Variants in GPC5 observed in about 807,000 individuals in gnomAD.
GPC5 encodes glypican-5.
Under a neutral mutation model 53.9 loss-of-function variants are expected in GPC5, and 47 were observed. The ratio of observed to expected loss-of-function variants is 0.87; its 90% CI spans 0.69 to 1.11. GPC5 has a LOEUF of 1.11. GPC5 is among the 50% of genes most tolerant of loss of function. GPC5 has a pLI of 0.00. For missense variants in GPC5, 748 were observed against 713.1 expected, an observed-to-expected ratio of 1.05 and a Z score of -0.56; for synonymous variants, 286 against 263.3, an observed-to-expected ratio of 1.09 and a Z score of -0.84.
intron 7 of GPC5, among the ~76,000 whole-genome samples, chr13:92,511,802 G>A (rs923054801): frequency 1.3e-5 from 2 of 152,134 alleles, no homozygotes; most frequent in Non-Finnish European, 2.9e-5. Context: ...TCATCAATCT[G>A]TATGACTCCT....
intron 7 of GPC5, among the ~76,000 whole-genome samples, chr13:92,520,717 G>A (rs1881007621): frequency 6.6e-6 from 1 of 152,092 alleles, no homozygotes; most frequent in Admixed American, 6.6e-5. Context: ...TGGAAAACTG[G>A]CACAAGACAG....
chr13:92,839,885 C>T (rs1282820199), intron 7 of GPC5, among the ~76,000 whole-genome samples: 2 of 151,684 alleles, frequency 1.3e-5, no homozygotes, highest in African/African-American at 4.8e-5. Context: ...TATTTATTTC[C>T]TCTTCACGTT....
intron 5 of GPC5, among the ~76,000 whole-genome samples, chr13:91,876,725 G>A (rs926478899): frequency 6.6e-6 from 1 of 152,214 alleles, no homozygotes; most frequent in Non-Finnish European, 1.5e-5. Context: ...ATTTTCGGGG[G>A]AGAAATTCAA....
intron 5 of GPC5, among the ~76,000 whole-genome samples, chr13:91,839,926 G>T (rs1164607976): frequency 6.6e-6 from 1 of 151,968 alleles, no homozygotes; most frequent in Non-Finnish European, 1.5e-5. Context: ...ATCTATCATG[G>T]TCTGGAACTT....
chr13:91,488,587 C>T (rs1339868219), intron 2 of GPC5, among the ~76,000 whole-genome samples: 1 of 152,232 alleles, frequency 6.6e-6, no homozygotes, highest in African/African-American at 2.4e-5. Flanking sequence ...TTCATGGACA[C>T]TTACCACTTC....
At chr13:92,162,446 TTG>T (rs1334023787) in intron 7 of GPC5, among the ~76,000 whole-genome samples, 4 of 152,188 alleles carry the variant, frequency 2.6e-5, no homozygotes, top group Non-Finnish European at 5.9e-5. Context: ...AAAGCAGATC[TTG>T]TGGGAACACA....
chr13:92,247,444 T>C (rs181510973), intron 7 of GPC5, among the ~76,000 whole-genome samples: 1 of 152,148 alleles, frequency 6.6e-6, no homozygotes, highest in African/African-American at 2.4e-5. Flanking sequence ...GACACTAGTA[T>C]ATAATTCTTT....
chr13:92,258,669 G>T (rs910723455), intron 7 of GPC5, among the ~76,000 whole-genome samples: 18 of 152,100 alleles, frequency 1.2e-4, no homozygotes, highest in Non-Finnish European at 2.1e-4. Context: ...ATGGTAATTG[G>T]TAAAGCCTCA....
chr13:91,411,459 C>T (rs1296325634), intron 1 of GPC5, among the ~76,000 whole-genome samples: 4 of 152,196 alleles, frequency 2.6e-5, no homozygotes, highest in Non-Finnish European at 1.5e-5. Context: ...ACCCTTTGTT[C>T]CTGGGCCCTA....
At chr13:92,381,112 A>G (rs2139306419) in intron 7 of GPC5, among the ~76,000 whole-genome samples, 1 of 152,302 alleles carries the variant, frequency 6.6e-6, no homozygotes, top group South Asian at 2.1e-4. Flanking sequence ...CAGGGTTACT[A>G]GAGTAAATCA....
At chr13:91,704,898 G>A (rs1341938439) in intron 3 of GPC5, among the ~76,000 whole-genome samples, 1 of 152,204 alleles carries the variant, frequency 6.6e-6, no homozygotes, top group African/African-American at 2.4e-5. Context: ...AGGAATGCAA[G>A]TCTACAACAT....
chr13:92,170,932 T>C (rs1168668337), intron 7 of GPC5, among the ~76,000 whole-genome samples: 2 of 152,172 alleles, frequency 1.3e-5, no homozygotes, highest in Non-Finnish European at 2.9e-5. Context: ...GTTGTCAAAG[T>C]ATAAAATTTA....
rs143642086 is a variant in GPC5, at chr13:91,430,263, T to C, written c.164-18498T>C. Among the ~76,000 whole-genome samples, 181 of 152,266 alleles carry C rather than the reference T, an allele frequency of 1.2e-3. 1 individual carries two copies. Among genetic ancestry groups the C allele is most frequent in the Non-Finnish European group, 1.4e-3 (93 of 68,018 alleles). On this transcript the variant is annotated intron_variant, in intron 1 of 7. Coordinates refer to ENST00000377067, the MANE Select transcript of GPC5 (RefSeq NM_004466.6). The stretch of plus-strand genomic sequence containing the variant: ...GAGATGCCATGAGATTTATAACTGT[T>C]TGACCTGACTATAGTCAGATGGGCA...
rs868309055 is a variant in GPC5 at position 92,203,513 on chromosome 13, G to A, written c.1561+58524G>A. Among the ~76,000 whole-genome samples the A allele has an allele frequency of 6.3e-3, 823 of 131,372 alleles. 14 individuals are homozygous for A. Among genetic ancestry groups the A allele is most frequent in the African/African-American group, 0.022 (767 of 34,548 alleles). 86.2% of individuals were successfully genotyped at this position (131,372 alleles called of 152,430 possible). A position where few individuals can be genotyped will look rare whatever the true frequency, so the allele number is the denominator to read the frequency against. On this transcript the variant is annotated intron_variant, in intron 7 of 7. Transcript: ENST00000377067. ...GGGGTCGGGGGAGGGGGGAGGGATA[G>A]CATTGGGAGATATACCTAATGCTAG...
At chr13:92,100,054 T>C (rs1265587975) in intron 6 of GPC5, among the ~76,000 whole-genome samples, 1 of 152,120 alleles carries the variant, frequency 6.6e-6, no homozygotes, top group African/African-American at 2.4e-5. Flanking sequence ...CTCTATGACC[T>C]GAGCGTAAAC....
chr13:92,092,253 T>C (rs1401151154), intron 6 of GPC5, among the ~76,000 whole-genome samples: 1 of 152,204 alleles, frequency 6.6e-6, no homozygotes, highest in African/African-American at 2.4e-5. Flanking sequence ...CACTTATGCT[T>C]ACATATATTT....
chr13:92,589,402 A>ATATTCTCTAAT (rs1883645862), intron 7 of GPC5, among the ~76,000 whole-genome samples: 2 of 152,306 alleles, frequency 1.3e-5, no homozygotes, highest in Non-Finnish European at 1.5e-5. Context: ...GCTAGAGACA[A>ATATTCTCTAAT]TATTCTCTAA....
chr13:92,851,804 G>C (rs1009293229), intron 7 of GPC5, among the ~76,000 whole-genome samples: 3 of 150,698 alleles, frequency 2.0e-5, no homozygotes, highest in African/African-American at 7.3e-5. Context: ...CAGGAGAATG[G>C]CGTGAACCGG....
At position 91,788,665 on chromosome 13, in the gene GPC5, T is replaced by C. The variant is rs189211526; in HGVS notation, c.1280+32245T>C. Among the ~76,000 whole-genome samples the C allele has an allele frequency of 3.8e-3, 586 of 152,218 alleles. 5 individuals are homozygous for C. The highest frequency in any genetic ancestry group is 3.4e-3 in the Middle Eastern group (1 of 294). On this transcript the variant is annotated intron_variant, in intron 5 of 7. Coordinates refer to ENST00000377067, the MANE Select transcript of GPC5 (RefSeq NM_004466.6). ...ATATCATTTTTGAGGTCTTTCTAGGTTTTTAAAATTTGTCATAACTGGGAG... is the reference window on the plus strand; with the variant it reads ...ATATCATTTTTGAGGTCTTTCTAGGCTTTTAAAATTTGTCATAACTGGGAG...
Sources: allele counts gnomAD v4.1 joint callset (sites outside exome capture counted in the v4.1 genomes callset), GRCh38; gene constraint gnomAD v4.1.1; transcripts MANE v1.5; gene names NCBI Gene and HGNC (gene_info 2026-07-23, HGNC 2026-07-21).